SPAG16: variants seen among roughly 807,000 people sequenced by gnomAD.
The protein encoded by SPAG16 is sperm-associated antigen 16 protein.
Under a neutral mutation model 80.4 loss-of-function variants are expected in SPAG16, and 86 were observed. That is an observed-to-expected ratio of 1.07 (90% CI 0.90 to 1.28). The LOEUF is 1.28. SPAG16 is among the 50% of genes most tolerant of loss of function. The pLI is 0.00. For synonymous variants in SPAG16, 294 were observed against 265.9 expected (o/e 1.11, Z -1.03); for missense variants, 870 against 765.3 (o/e 1.14, Z -1.61).
intron 10 of SPAG16, among the ~76,000 whole-genome samples, chr2:213,602,362 T>C (rs1232617772): frequency 6.6e-6 from 1 of 152,104 alleles, no homozygotes; most frequent in East Asian, 1.9e-4. Flanking sequence ...CCGGGCACAG[T>C]GGGGCTCTCG....
At chr2:214,209,759 T>C (rs2058240361) in intron 15 of SPAG16, among the ~76,000 whole-genome samples, 1 of 152,142 alleles carries the variant, frequency 6.6e-6, no homozygotes, top group South Asian at 2.1e-4. Context: ...ACTTCCACCT[T>C]ATCTTGAGCC....
intron 13 of SPAG16, among the ~76,000 whole-genome samples, chr2:214,107,311 G>A (rs1218243059): frequency 2.6e-5 from 4 of 152,116 alleles, no homozygotes; most frequent in Admixed American, 1.3e-4. Flanking sequence ...GAATTGTGCC[G>A]ACAAATATTA....
chr2:213,320,964 G>A (rs1024862455), intron 5 of SPAG16, among the ~76,000 whole-genome samples: 2 of 151,932 alleles, frequency 1.3e-5, no homozygotes, highest in Admixed American at 1.3e-4. Flanking sequence ...TTTTCAATTT[G>A]ACTTCTGAGG....
intron 15 of SPAG16, among the ~76,000 whole-genome samples, chr2:214,208,163 T>C (rs1033962382): frequency 7.2e-5 from 11 of 152,158 alleles, no homozygotes; most frequent in Non-Finnish European, 1.6e-4. Context: ...CCCTGAAAAA[T>C]ACAGATTTCG....
intron 8 of SPAG16, among the ~76,000 whole-genome samples, chr2:213,367,160 C>G (rs974290847): frequency 2.6e-5 from 4 of 152,040 alleles, no homozygotes; most frequent in Admixed American, 6.6e-5. Context: ...GTGTATATGT[C>G]CCACATTTTC....
chr2:214,030,185 T>G (rs2048339915), intron 13 of SPAG16, among the ~76,000 whole-genome samples: 1 of 152,196 alleles, frequency 6.6e-6, no homozygotes, highest in African/African-American at 2.4e-5. Flanking sequence ...CTTTTGTGAC[T>G]TTGACTATTT....
At chr2:214,319,502 G>GAA (rs3044978) in intron 15 of SPAG16, among the ~76,000 whole-genome samples, 1 of 145,904 alleles carries the variant, frequency 6.9e-6, no homozygotes, top group African/African-American at 2.6e-5. Flanking sequence ...AGATCCACTG[G>GAA]AAAAAAAAAA....
At chr2:214,204,262 A>C (rs2058085567) in intron 15 of SPAG16, among the ~76,000 whole-genome samples, 1 of 152,226 alleles carries the variant, frequency 6.6e-6, no homozygotes, top group Non-Finnish European at 1.5e-5. Flanking sequence ...CCAAAGTCAA[A>C]GGACATAATC....
At chr2:214,101,266 T>C (rs1464576566) in intron 13 of SPAG16, among the ~76,000 whole-genome samples, 2 of 152,082 alleles carry the variant, frequency 1.3e-5, no homozygotes, top group Non-Finnish European at 2.9e-5. Context: ...GGCTAGCTTG[T>C]GTTATGGTAA....
At chr2:213,468,060 C>T (rs1367447780) in intron 9 of SPAG16, among the ~76,000 whole-genome samples, 1 of 152,114 alleles carries the variant, frequency 6.6e-6, no homozygotes, top group Admixed American at 6.5e-5. Context: ...TGTCCCATGG[C>T]CTGCTTCTGC....
intron 5 of SPAG16, among the ~76,000 whole-genome samples, chr2:213,324,425 C>A (rs2063758291): frequency 6.6e-6 from 1 of 152,180 alleles, no homozygotes; most frequent in African/African-American, 2.4e-5. Flanking sequence ...TGTCCCTTCT[C>A]AGTCATTCTC....
chr2:213,727,283 C>A (rs1166603129), intron 10 of SPAG16, among the ~76,000 whole-genome samples: 1 of 152,090 alleles, frequency 6.6e-6, no homozygotes, highest in Non-Finnish European at 1.5e-5. Flanking sequence ...AAGAACCTCC[C>A]TTCCTGGAGA....
chr2:214,138,930 A>G (rs2055204115), intron 14 of SPAG16, among the ~76,000 whole-genome samples: 1 of 152,160 alleles, frequency 6.6e-6, no homozygotes, highest in African/African-American at 2.4e-5. Flanking sequence ...TCTTCAAAAA[A>G]AGTGAGATAG....
intron 9 of SPAG16, chr2:213,422,494 C>T (rs2069658990): frequency 1.8e-6 from 1 of 560,976 alleles, no homozygotes; most frequent in Non-Finnish European, 3.2e-6. Context: ...GGAATCTGGG[C>T]TGTAGCAAGA....
intron 10 of SPAG16, among the ~76,000 whole-genome samples, chr2:213,550,249 A>G (rs991985594): frequency 2.0e-5 from 3 of 151,816 alleles, no homozygotes; most frequent in African/African-American, 7.3e-5. Flanking sequence ...AGCATCATTT[A>G]TTGAACAATG....
intron 10 of SPAG16, among the ~76,000 whole-genome samples, chr2:213,600,913 A>G (rs1283291944): frequency 6.6e-6 from 1 of 152,212 alleles, no homozygotes; most frequent in Non-Finnish European, 1.5e-5. Flanking sequence ...AATGACATAC[A>G]AATTTATTAG....
chr2:213,654,425 A>C (rs2063137414), intron 10 of SPAG16, among the ~76,000 whole-genome samples: 1 of 151,444 alleles, frequency 6.6e-6, no homozygotes, highest in Non-Finnish European at 1.5e-5. Flanking sequence ...GCTGGGTGCA[A>C]GTGGCTCATG....
intron 6 of SPAG16, among the ~76,000 whole-genome samples, chr2:213,346,640 T>C (rs2065009397): frequency 6.6e-6 from 1 of 152,216 alleles, no homozygotes; most frequent in South Asian, 2.1e-4. Flanking sequence ...GAGATAATCC[T>C]ATGTTTTTTG....
chr2:214,287,920 T>C (rs75182527), intron 15 of SPAG16, among the ~76,000 whole-genome samples: 3,046 of 152,326 alleles, frequency 0.02, 61 homozygotes, highest in Non-Finnish European at 0.03. Flanking sequence ...TATGTGTTAG[T>C]AACACGTCAA....
Sources: gnomAD v4.1 joint callset for allele counts (sites outside exome capture counted in the v4.1 genomes callset) on GRCh38, gnomAD v4.1.1 for gene constraint, MANE v1.5 for transcripts, NCBI Gene and HGNC (gene_info 2026-07-23, HGNC 2026-07-21) for gene names.